Variants in PPME1 observed in about 807,000 individuals in gnomAD.
The protein encoded by PPME1 is testicular secretory protein Li 39.
A neutral mutation model predicts 56.9 loss-of-function variants in PPME1; 17 were observed. That is an observed-to-expected ratio of 0.30 (90% CI 0.20 to 0.45). The LOEUF is 0.45. PPME1 is among the 20% of genes least tolerant of loss of function. PPME1 has a pLI of 1.00. For synonymous variants in PPME1, 122 were observed against 156.2 expected, an observed-to-expected ratio of 0.78 and a Z score of 1.63; for missense variants, 357 against 483.2, an observed-to-expected ratio of 0.74 and a Z score of 2.45.
chr11:74,177,815 A>G (rs77669119), intron 1 of PPME1, among the ~76,000 whole-genome samples: 2 of 152,228 alleles, frequency 1.3e-5, no homozygotes. Context: ...TTCAATTTGT[A>G]TGAATCCCTT....
chr11:74,222,220 T>A, intron 3 of PPME1, 92 bp from the exon 4 acceptor site: 1 of 936,888 alleles, frequency 1.1e-6, no homozygotes, highest in Non-Finnish European at 1.7e-6. Context: ...CTTTGAATTT[T>A]GATGGCAGTT....
chr11:74,231,467 C>G (rs1344934511), intron 7 of PPME1, among the ~76,000 whole-genome samples: 1 of 152,184 alleles, frequency 6.6e-6, no homozygotes, highest in Non-Finnish European at 1.5e-5. Context: ...GCACCAAGTT[C>G]AAGGAATAGA....
rs571573390 is a variant in PPME1, at chr11:74,200,631, C to T, written c.102-3097C>T. On this transcript the variant is annotated intron_variant, in intron 1 of 13. Transcript: ENST00000328257. ...CTCCTGACCTCAGCTGATCTGCCCA[C>T]CTCGGTCTCCCAAAGTGCTGGGATT... 2.0e-5 allele frequency among the ~76,000 whole-genome samples: 3 copies of T among 152,200 alleles called. No homozygotes were observed. The South Asian group carries it at 6.2e-4, about 32-fold the overall frequency.
chr11:74,209,819 A>C (rs571227630), intron 3 of PPME1, among the ~76,000 whole-genome samples: 1 of 152,186 alleles, frequency 6.6e-6, no homozygotes, highest in Non-Finnish European at 1.5e-5. Context: ...GTTTGAAGCT[A>C]TTTGATTTAT....
intron 12 of PPME1, 138 bp from the exon 13 acceptor site, chr11:74,251,510 C>CT: frequency 6.8e-7 from 1 of 1,464,818 alleles, no homozygotes; most frequent in East Asian, 2.4e-5. Context: ...GGCCTAGGTC[C>CT]TTTTAATTTC....
At chr11:74,208,895 A>T (rs1858399073) in intron 3 of PPME1, among the ~76,000 whole-genome samples, 1 of 152,308 alleles carries the variant, frequency 6.6e-6, no homozygotes, top group African/African-American at 2.4e-5. Flanking sequence ...TAACAGTGAA[A>T]TATGTTTTGG....
intron 5 of PPME1, among the ~76,000 whole-genome samples, chr11:74,228,984 TA>T (rs1858999375): frequency 6.6e-6 from 1 of 152,200 alleles, no homozygotes. Context: ...GTCTTAATCT[TA>T]AATTTAAGTC....
At chr11:74,206,514 GT>G (rs984017664) in intron 3 of PPME1, among the ~76,000 whole-genome samples, 1 of 152,114 alleles carries the variant, frequency 6.6e-6, no homozygotes, top group African/African-American at 2.4e-5. Flanking sequence ...ACTGAAAGGG[GT>G]TTGCCTGAAG....
At chr11:74,222,442 G>A in intron 4 of PPME1, 73 bp downstream of exon 4, 2 of 1,316,654 alleles carry the variant, frequency 1.5e-6, no homozygotes, top group Non-Finnish European at 1.1e-6. Context: ...GTAACTATTA[G>A]AAATTTCAAC....
intron 10 of PPME1, 45 bp from the exon 11 acceptor site, chr11:74,247,034 G>C: frequency 6.6e-7 from 1 of 1,523,592 alleles, no homozygotes; most frequent in Non-Finnish European, 9.0e-7. Flanking sequence ...TACTTAATAC[G>C]TGAACAGCAA....
intron 1 of PPME1, among the ~76,000 whole-genome samples, chr11:74,200,508 G>A (rs756591158): frequency 6.6e-5 from 10 of 151,952 alleles, no homozygotes; most frequent in Non-Finnish European, 1.0e-4. Context: ...CAGCCTTCCC[G>A]AGTAGCTGGG....
chr11:74,220,403 G>A lies in PPME1; in HGVS notation c.289-1909G>A, dbSNP rs892722774. Among the ~76,000 whole-genome samples the A allele has an allele frequency of 9.9e-5, 15 of 152,206 alleles. 1 individual carries two copies. Among genetic ancestry groups the A allele is most frequent in the Admixed American group, 9.8e-4 (15 of 15,278 alleles). On this transcript the variant is annotated intron_variant, in intron 3 of 13. Transcript: ENST00000328257. Reference sequence around the variant, plus strand: ...AGAATCACCTGGAGAAGTCGAAAATGTGTAAATAACTTGAATCAGAATTTC... The same window carrying A: ...AGAATCACCTGGAGAAGTCGAAAATATGTAAATAACTTGAATCAGAATTTC...
At chr11:74,181,601 C>T (rs1021691088) in intron 1 of PPME1, among the ~76,000 whole-genome samples, 6 of 152,168 alleles carry the variant, frequency 3.9e-5, no homozygotes, top group Non-Finnish European at 8.8e-5. Flanking sequence ...TTTCTTTGTG[C>T]TTTCTACTGT....
chr11:74,173,635 G>A (rs1044438108), intron 1 of PPME1, among the ~76,000 whole-genome samples: 4 of 151,982 alleles, frequency 2.6e-5, no homozygotes, highest in African/African-American at 7.3e-5. Context: ...TCCACCTCCC[G>A]GGCTCAAGTG....
chr11:74,194,341 T>C (rs1213355071), intron 1 of PPME1, among the ~76,000 whole-genome samples: 1 of 151,388 alleles, frequency 6.6e-6, no homozygotes. Flanking sequence ...ACTTCCCACC[T>C]CGGGCTTTGT....
intron 3 of PPME1, among the ~76,000 whole-genome samples, chr11:74,218,402 G>T (rs4575301): frequency 0.1 from 15,890 of 151,922 alleles, 2,171 homozygotes; most frequent in African/African-American, 0.32. Context: ...TGGAACAATT[G>T]TGAAATTTCT....
rs541445636 is a variant in PPME1 at position 74,183,531 on chromosome 11, A to C, written c.101+12009A>C. Among the ~76,000 whole-genome samples the C allele has an allele frequency of 3.3e-5, 5 of 152,222 alleles. No homozygotes were observed. The South Asian group carries it at 1.0e-3, about 32-fold the overall frequency. On this transcript the variant is annotated intron_variant, in intron 1 of 13. Transcript: ENST00000328257. ...TTATATATATTATATATATGTCTCC[A>C]TAAGTAATATATAATGGATCTATAT...
In PPME1 at chr11:74,247,204, G is replaced by A; in HGVS notation, c.1009+81G>A. ...GCAGTTAACATCCTGAGATAGTGAG[G>A]TATAACGGAGAAAGCATGAGCTTTA... On this transcript the variant is annotated intron_variant, in intron 11 of 13. Coordinates refer to ENST00000328257, the MANE Select transcript of PPME1 (RefSeq NM_016147.3). 3 of 1,261,340 alleles carry A rather than the reference G, an allele frequency of 2.4e-6. No homozygotes were observed. The South Asian group carries it at 4.0e-5, about 17-fold the overall frequency. 78.1% of individuals were successfully genotyped at this position (1,261,340 alleles called of 1,614,324 possible).
intron 1 of PPME1, among the ~76,000 whole-genome samples, chr11:74,182,513 C>T (rs369705709): frequency 6.6e-5 from 10 of 151,714 alleles, no homozygotes; most frequent in African/African-American, 2.2e-4. Flanking sequence ...GTGTGTGCCA[C>T]CACGCCTGGC....
Sources: gnomAD v4.1 joint callset for allele counts (sites outside exome capture counted in the v4.1 genomes callset) on GRCh38, gnomAD v4.1.1 for gene constraint, MANE v1.5 for transcripts, NCBI Gene and HGNC (gene_info 2026-07-23, HGNC 2026-07-21) for gene names.